Variants in PRKN observed in about 807,000 individuals in gnomAD.
PRKN encodes the protein E3 ubiquitin-protein ligase parkin.
PRKN carries 56 observed loss-of-function variants against 59.5 expected under a neutral mutation model. The observed-to-expected ratio is 0.94, with a 90% CI of 0.76 to 1.18. The LOEUF is 1.18. Ranked by LOEUF, PRKN falls within the 50% of genes most tolerant of loss-of-function variation. The probability of loss-of-function intolerance (pLI) is 0.00; values close to 1 mark genes in which losing one functional copy is unlikely to be tolerated. For synonymous variants in PRKN, 250 were observed against 222.1 expected, an observed-to-expected ratio of 1.13 and a Z score of -1.12; for missense variants, 657 against 596.4, an observed-to-expected ratio of 1.10 and a Z score of -1.06.
At chr6:162,455,463 C>A (rs1288818148) in intron 1 of PRKN, among the ~76,000 whole-genome samples, 1 of 152,224 alleles carries the variant, frequency 6.6e-6, no homozygotes, top group Non-Finnish European at 1.5e-5. Flanking sequence ...CAGCATGCTA[C>A]TGCACTGAAT....
rs1166358754 is a variant in PRKN at position 161,407,688 on chromosome 6, C to A, written c.1084-20811G>T. ...ATACGTCCAGATGGCCTGCAGGAGC[C>A]AAGAAGTCTGAAGCAGCCAAAGAAA... On this transcript the variant is annotated intron_variant, in intron 9 of 11. Coordinates refer to ENST00000366898, the MANE Select transcript of PRKN (RefSeq NM_004562.3). The surrounding 1 kb of genome is among the most constrained non-coding windows in gnomAD (Gnocchi z 4.9). 6.6e-6 allele frequency among the ~76,000 whole-genome samples: 1 copy of A among 152,122 alleles called. No individual in the cohort carries two copies. Among genetic ancestry groups the A allele is most frequent in the Non-Finnish European group, 1.5e-5 (1 of 68,026 alleles).
At chr6:161,953,010 T>C (rs1382314573) in intron 6 of PRKN, among the ~76,000 whole-genome samples, 1 of 152,196 alleles carries the variant, frequency 6.6e-6, no homozygotes, top group Non-Finnish European at 1.5e-5. Flanking sequence ...CACTGATCAT[T>C]GACTACACAC....
At chr6:161,630,367 A>G (rs1783256444) in intron 7 of PRKN, among the ~76,000 whole-genome samples, 1 of 152,204 alleles carries the variant, frequency 6.6e-6, no homozygotes, top group Non-Finnish European at 1.5e-5. Context: ...GCTTTGAAGT[A>G]ACTGGCACTT....
At chr6:161,719,653 T>C (rs73783360) in intron 7 of PRKN, among the ~76,000 whole-genome samples, 34,395 of 152,148 alleles carry the variant, frequency 0.23, 6,404 homozygotes, top group African/African-American at 0.52. Flanking sequence ...ATAAGTCTTT[T>C]GTTCTCCTAT....
At chr6:162,706,490 T>C (rs990582469) in intron 1 of PRKN, among the ~76,000 whole-genome samples, 5 of 152,166 alleles carry the variant, frequency 3.3e-5, no homozygotes, top group Non-Finnish European at 7.4e-5. Flanking sequence ...GAGGGTTCTG[T>C]TAGGAAAGAA....
At chr6:162,577,574 T>C (rs1260913076) in intron 1 of PRKN, among the ~76,000 whole-genome samples, 1 of 150,956 alleles carries the variant, frequency 6.6e-6, no homozygotes, top group Admixed American at 6.6e-5. Context: ...CACTCCAGCC[T>C]AGGCAACAGA....
chr6:161,692,588 A>G (rs1267910476), intron 7 of PRKN, among the ~76,000 whole-genome samples: 2 of 152,246 alleles, frequency 1.3e-5, no homozygotes, highest in Non-Finnish European at 1.5e-5. Context: ...CTATAGGATT[A>G]GAAAAAGATA....
intron 4 of PRKN, among the ~76,000 whole-genome samples, chr6:162,103,502 A>G (rs1008309387): frequency 9.9e-5 from 15 of 152,204 alleles, no homozygotes; most frequent in Non-Finnish European, 1.5e-4. Context: ...AAGCAAACAG[A>G]AAAGAACAAC....
intron 5 of PRKN, among the ~76,000 whole-genome samples, chr6:161,989,238 AC>A (rs1781552324): frequency 6.6e-6 from 1 of 151,018 alleles, no homozygotes; most frequent in African/African-American, 2.4e-5. Context: ...ATAAACACTT[AC>A]TCCTTTCTTA....
At chr6:161,990,288 A>C (rs1250464690) in intron 5 of PRKN, among the ~76,000 whole-genome samples, 1 of 152,216 alleles carries the variant, frequency 6.6e-6, no homozygotes, top group East Asian at 1.9e-4. Context: ...GATGCTGATT[A>C]CAGCTGAAGA....
At chr6:161,767,344 T>C (rs939952802) in intron 7 of PRKN, among the ~76,000 whole-genome samples, 3 of 152,060 alleles carry the variant, frequency 2.0e-5, no homozygotes, top group Non-Finnish European at 2.9e-5. Context: ...AAACGCCATC[T>C]CTACTAAAAA....
chr6:162,197,862 T>G (rs921136423), intron 4 of PRKN, among the ~76,000 whole-genome samples: 9 of 152,214 alleles, frequency 5.9e-5, no homozygotes, highest in Admixed American at 5.9e-4. Context: ...TGCTATTTAT[T>G]CAGCATTACT....
At chr6:162,612,047 G>A (rs528834624) in intron 1 of PRKN, among the ~76,000 whole-genome samples, 3 of 150,610 alleles carry the variant, frequency 2.0e-5, no homozygotes, top group African/African-American at 7.3e-5. Context: ...AAAAAAATTA[G>A]CTGGGCGTGG....
chr6:162,431,034 G>A (rs1051627436), intron 2 of PRKN, among the ~76,000 whole-genome samples: 2 of 152,046 alleles, frequency 1.3e-5, no homozygotes, highest in East Asian at 1.9e-4. Context: ...TCTTCCCAAC[G>A]CCGCCTTCAG....
In PRKN at chr6:161,757,464, A is replaced by T. The variant is rs192524386; in HGVS notation, c.871+28308T>A. On this transcript the variant is annotated intron_variant, in intron 7 of 11. Transcript: ENST00000366898. ...ACGACAGAGACTCCGTGTCACCATA[A>T]AAATAATAATAAAATATGTGCAAAA... is the stretch of plus-strand genomic sequence containing the variant. 1.2e-3 allele frequency among the ~76,000 whole-genome samples: 181 copies of T among 152,170 alleles called. 1 individual carries two copies. The highest frequency in any genetic ancestry group is 4.2e-3 in the African/African-American group (173 of 41,502).
At chr6:162,018,088 A>G (rs6455794) in intron 5 of PRKN, among the ~76,000 whole-genome samples, 123,771 of 152,110 alleles carry the variant, frequency 0.81, 50,987 homozygotes, top group African/African-American at 0.95. Context: ...GTGCAGTGAC[A>G]TGATCTCCGC....
chr6:162,550,916 G>A (rs1048364669), intron 1 of PRKN, among the ~76,000 whole-genome samples: 1 of 152,162 alleles, frequency 6.6e-6, no homozygotes, highest in Admixed American at 6.5e-5. Flanking sequence ...TTGCTAGGAG[G>A]CATCTGGCTG....
At chr6:161,613,702 C>G (rs751235859) in intron 7 of PRKN, among the ~76,000 whole-genome samples, 2 of 152,288 alleles carry the variant, frequency 1.3e-5, no homozygotes, top group South Asian at 4.1e-4. Context: ...AAGACCCTCT[C>G]CCAGCAAAAA....
chr6:162,432,997 A>G (rs1418230065), intron 2 of PRKN, among the ~76,000 whole-genome samples: 2 of 152,208 alleles, frequency 1.3e-5, no homozygotes, highest in Non-Finnish European at 2.9e-5. Flanking sequence ...AGTTCCCACA[A>G]ATATATTCTG....
Sources: allele counts gnomAD v4.1 joint callset (sites outside exome capture counted in the v4.1 genomes callset), GRCh38; gene constraint gnomAD v4.1.1; non-coding constraint Gnocchi (gnomAD v3.1); transcripts MANE v1.5; gene names NCBI Gene and HGNC (gene_info 2026-07-23, HGNC 2026-07-21).